Variants in ATP5F1C observed in about 807,000 individuals in gnomAD.
ATP5F1C encodes ATP synthase F1 subunit gamma.
Under a neutral mutation model 37.4 loss-of-function variants are expected in ATP5F1C, and 22 were observed. The ratio of observed to expected loss-of-function variants is 0.59; its 90% CI spans 0.42 to 0.84. The LOEUF (loss-of-function observed/expected upper bound fraction) is 0.84. Among genes scored for constraint, ATP5F1C ranks in the 40% least tolerant of loss-of-function variants. The pLI is 0.00. For missense variants in ATP5F1C, 286 were observed against 362.4 expected (o/e 0.79, Z 1.71); for synonymous variants, 121 against 128.0 (o/e 0.95, Z 0.37).
chr10:7,790,686 A>ACT (rs916325667), intron 1 of ATP5F1C, among the ~76,000 whole-genome samples: 1 of 152,096 alleles, frequency 6.6e-6, no homozygotes, highest in East Asian at 1.9e-4. Context: ...GAAGAGAGAG[A>ACT]CTCTGTAGCC....
chr10:7,802,577 T>G lies in ATP5F1C; in HGVS notation c.793+152T>G, dbSNP rs1281386488. Reference sequence around the variant, plus strand: ...AAGTATATCTTGATAGGTAGTTGATTTGCAAGTACTGTGAAAAGGTATCCT... The same window carrying G: ...AAGTATATCTTGATAGGTAGTTGATGTGCAAGTACTGTGAAAAGGTATCCT... On this transcript the variant is annotated intron_variant, in intron 7 of 9. Transcript: ENST00000356708. 2.7e-6 allele frequency: 3 copies of G among 1,123,320 alleles called. No individual in the cohort carries two copies. The Admixed American group carries it at 8.5e-5, about 32-fold the overall frequency. The allele number at this position is 1,123,320 out of a possible 1,614,324, so 69.6% of individuals were successfully genotyped here.
intron 9 of ATP5F1C, 113 bp downstream of exon 9, chr10:7,807,123 C>A: frequency 2.0e-6 from 2 of 1,018,612 alleles, no homozygotes; most frequent in Non-Finnish European, 2.8e-6. Flanking sequence ...GATGGATGGG[C>A]CACTTCACAG....
intron 8 of ATP5F1C, among the ~76,000 whole-genome samples, chr10:7,803,996 G>T (rs1836425378): frequency 6.6e-6 from 1 of 152,174 alleles, no homozygotes; most frequent in African/African-American, 2.4e-5. Context: ...GTCAGGCCCT[G>T]TGCTAGACAC....
rs377704581 is a variant in ATP5F1C, at chr10:7,790,708, G to A, written c.56+2445G>A. Among the ~76,000 whole-genome samples the A allele has an allele frequency of 2.6e-5, 4 of 152,354 alleles. No individual in the cohort carries two copies. The South Asian group carries it at 8.3e-4, about 32-fold the overall frequency. ...GAGACTCTGTAGCCAGCCCTGAAGGGCTGCATTCAGACGGCAGGGATTGAA... is the reference window on the plus strand; with the variant it reads ...GAGACTCTGTAGCCAGCCCTGAAGGACTGCATTCAGACGGCAGGGATTGAA... On this transcript the variant is annotated intron_variant, in intron 1 of 9. Coordinates refer to ENST00000356708, the MANE Select transcript of ATP5F1C (RefSeq NM_001001973.3).
intron 8 of ATP5F1C, among the ~76,000 whole-genome samples, chr10:7,803,248 A>T (rs961528518): frequency 2.0e-4 from 19 of 95,862 alleles, no homozygotes; most frequent in African/African-American, 6.7e-4. Flanking sequence ...TTTTTTAATC[A>T]TTATGTTTTT....
intron 3 of ATP5F1C, among the ~76,000 whole-genome samples, chr10:7,797,481 C>A (rs1308581265): frequency 1.3e-5 from 2 of 152,112 alleles, no homozygotes; most frequent in Admixed American, 6.5e-5. Flanking sequence ...GGTTTGGTGT[C>A]GAGTCTGTGT....
rs570883295 is a variant in ATP5F1C, at chr10:7,796,231, T to C, written c.91+76T>C. On this transcript the variant is annotated intron_variant, in intron 2 of 9. Transcript: ENST00000356708. ...ACAAATACAAATACTTTCAAAAATA[T>C]ACTGCTTTAGCCCATTGTGTATTTG... 5.6e-5 allele frequency: 74 copies of C among 1,315,272 alleles called. No homozygotes were observed. In the East Asian group the frequency reaches 1.3e-3, roughly 23 times the overall value. 81.5% of individuals were successfully genotyped at this position (1,315,272 alleles called of 1,614,324 possible). A position where few individuals can be genotyped will look rare whatever the true frequency, so the allele number is the denominator to read the frequency against.
chr10:7,795,809 C>T (rs1416121184), intron 1 of ATP5F1C, among the ~76,000 whole-genome samples: 1 of 152,116 alleles, frequency 6.6e-6, no homozygotes, highest in Non-Finnish European at 1.5e-5. Context: ...AGGGGCTTTT[C>T]TGTCATGGAA....
Position 7,788,235 on chromosome 10 carries a change from C to A in ATP5F1C, c.28C>A (p.Leu10Met), listed in dbSNP as rs1277576483. 2 of 1,613,472 alleles carry A rather than the reference C, an allele frequency of 1.2e-6. No individual in the cohort carries two copies. The highest frequency in any genetic ancestry group is 3.3e-5 in the Admixed American group (2 of 60,002). Residue 10 changes from leucine to methionine, a missense_variant, in exon 1 of 10, where the codon CTG becomes ATG. Physicochemically the swap from Leu to Met is conservative, Grantham distance 15 (BLOSUM62 2). Transcript: ENST00000356708. ...GTTCTCTCGCGCGGGTGTCGCTGGG[C>A]TGTCGGCCTGGACCTTGCAGCCGCA... Reference protein sequence around the residue: MFSRAGVAGLSAWTLQPQWI... With the variant: MFSRAGVAGMSAWTLQPQWI...
chr10:7,793,604 C>G (rs905460398), intron 1 of ATP5F1C, among the ~76,000 whole-genome samples: 1 of 152,196 alleles, frequency 6.6e-6, no homozygotes, highest in African/African-American at 2.4e-5. Context: ...GTATTTTTCA[C>G]AGGACAGAAG....
chr10:7,798,199 T>C (rs1836278353), intron 3 of ATP5F1C, among the ~76,000 whole-genome samples: 2 of 151,770 alleles, frequency 1.3e-5, no homozygotes, highest in Admixed American at 1.3e-4. Context: ...TTTTTTTATG[T>C]GTGTGTGTGT....
At chr10:7,792,432 C>T (rs532091715) in intron 1 of ATP5F1C, among the ~76,000 whole-genome samples, 12 of 152,286 alleles carry the variant, frequency 7.9e-5, no homozygotes, top group African/African-American at 2.9e-4. Flanking sequence ...TACAGTTCCA[C>T]GGATTTGGAC....
chr10:7,803,889 C>T (rs1345606502), intron 8 of ATP5F1C, among the ~76,000 whole-genome samples: 1 of 152,212 alleles, frequency 6.6e-6, no homozygotes, highest in Non-Finnish European at 1.5e-5. Context: ...TTCTAACTAT[C>T]TCTTGAATCT....
intron 1 of ATP5F1C, among the ~76,000 whole-genome samples, chr10:7,794,045 T>C (rs1487158252): frequency 1.3e-5 from 2 of 152,182 alleles, no homozygotes; most frequent in Non-Finnish European, 2.9e-5. Context: ...AAAATAGATA[T>C]CAACTAAAAT....
chr10:7,804,681 C>T (rs1459062698), intron 8 of ATP5F1C, among the ~76,000 whole-genome samples: 1 of 152,214 alleles, frequency 6.6e-6, no homozygotes, highest in Non-Finnish European at 1.5e-5. Flanking sequence ...TCTGTGTGCT[C>T]CTCGAGGCTA....
At chr10:7,803,436 A>G (rs1459396879) in intron 8 of ATP5F1C, among the ~76,000 whole-genome samples, 1 of 152,176 alleles carries the variant, frequency 6.6e-6, no homozygotes, top group Non-Finnish European at 1.5e-5. Context: ...ATCCTCTCGT[A>G]TACTTTTAAT....
intron 1 of ATP5F1C, 57 bp downstream of exon 1, chr10:7,788,320 C>G: frequency 4.4e-6 from 7 of 1,596,156 alleles, no homozygotes; most frequent in Non-Finnish European, 6.0e-6. Flanking sequence ...AGCTTGGGCA[C>G]GGGGCAGGGA....
At chr10:7,804,238 T>C in intron 8 of ATP5F1C, 1 of 518,436 alleles carries the variant, frequency 1.9e-6, no homozygotes, top group Non-Finnish European at 3.9e-6. Flanking sequence ...TGCCTATTCT[T>C]GTGACAGTGT....
At chr10:7,792,065 A>C (rs1315743304) in intron 1 of ATP5F1C, among the ~76,000 whole-genome samples, 1 of 152,154 alleles carries the variant, frequency 6.6e-6, no homozygotes, top group Non-Finnish European at 1.5e-5. Flanking sequence ...ATAACCAATA[A>C]ATTTTGTGTT....
Sources: allele counts gnomAD v4.1 joint callset (sites outside exome capture counted in the v4.1 genomes callset), GRCh38; gene constraint gnomAD v4.1.1; transcripts MANE v1.5; gene names NCBI Gene and HGNC (gene_info 2026-07-23, HGNC 2026-07-21).